PDE1C: variants seen among roughly 807,000 people sequenced by gnomAD.
PDE1C encodes the protein dual specificity calcium/calmodulin-dependent 3',5'-cyclic nucleotide phosphodiesterase 1C.
In PDE1C, 62 loss-of-function variants were observed where a neutral mutation model predicts 93.1. The ratio of observed to expected loss-of-function variants is 0.67; its 90% CI spans 0.54 to 0.82. The LOEUF is 0.82. Among genes scored for constraint, PDE1C ranks in the 40% least tolerant of loss-of-function variants. The pLI, the probability that PDE1C is intolerant of heterozygous loss-of-function variation, is 0.00. For missense variants in PDE1C, 742 were observed against 884.6 expected (o/e 0.84, Z 2.04); for synonymous variants, 325 against 310.1 (o/e 1.05, Z -0.50).
At chr7:31,755,007 G>A (rs775628632) in intron 17 of PDE1C, among the ~76,000 whole-genome samples, 3 of 152,162 alleles carry the variant, frequency 2.0e-5, no homozygotes, top group African/African-American at 7.2e-5. Context: ...GGGACAAGAC[G>A]GTCATCGAAG....
At chr7:31,744,996 T>C in the PDE1C span, among the ~76,000 whole-genome samples, 1 of 152,144 alleles carries the variant, frequency 6.6e-6, no homozygotes, top group Non-Finnish European at 1.5e-5. Flanking sequence ...TTTTGAAAGA[T>C]ACGACATTTC....
intron 1 of PDE1C, among the ~76,000 whole-genome samples, chr7:32,355,516 C>G (rs1211564383): frequency 7.1e-6 from 1 of 140,210 alleles, no homozygotes; most frequent in Admixed American, 7.0e-5. Context: ...ACCATCCCCT[C>G]AAATCTTTCT....
chr7:31,715,751 A>T, the PDE1C span, among the ~76,000 whole-genome samples: 1 of 152,154 alleles, frequency 6.6e-6, no homozygotes, highest in Non-Finnish European at 1.5e-5. Flanking sequence ...AGTCCTGTGC[A>T]TCTTAGAGTT....
At chr7:31,865,535 T>C (rs74659310) in intron 6 of PDE1C, among the ~76,000 whole-genome samples, 3 of 152,298 alleles carry the variant, frequency 2.0e-5, no homozygotes, top group African/African-American at 7.2e-5. Context: ...TAAATAACAC[T>C]GAGGAATTCA....
chr7:32,200,378 TC>T (rs1423704539), intron 2 of PDE1C, among the ~76,000 whole-genome samples: 2 of 152,226 alleles, frequency 1.3e-5, no homozygotes, highest in Non-Finnish European at 2.9e-5. Flanking sequence ...CTCAAAGTGT[TC>T]CTGGACCTTT....
intron 3 of PDE1C, among the ~76,000 whole-genome samples, chr7:32,126,052 TTTG>T (rs1799560753): frequency 6.6e-6 from 1 of 152,050 alleles, no homozygotes; most frequent in South Asian, 2.1e-4. Context: ...GAAGTTTACT[TTTG>T]ATAACTTGAG....
chr7:32,421,484 A>G (rs571378721), intron 1 of PDE1C, among the ~76,000 whole-genome samples: 1 of 152,372 alleles, frequency 6.6e-6, no homozygotes, highest in East Asian at 1.9e-4. Context: ...TACCTTGCAT[A>G]AATTGCCTTA....
At chr7:31,927,773 C>T (rs1803594590) in intron 2 of PDE1C, among the ~76,000 whole-genome samples, 1 of 152,054 alleles carries the variant, frequency 6.6e-6, no homozygotes, top group South Asian at 2.1e-4. Context: ...ACAGAAAAAC[C>T]CCATCCAAAG....
chr7:31,691,175 C>T, the PDE1C span, among the ~76,000 whole-genome samples: 1 of 152,204 alleles, frequency 6.6e-6, no homozygotes. Flanking sequence ...AAAAGCTGTG[C>T]TCAAGTGATC....
At chr7:31,877,893 C>T in intron 5 of PDE1C, 77 bp downstream of exon 5, 2 of 873,696 alleles carry the variant, frequency 2.3e-6, no homozygotes, top group Non-Finnish European at 3.6e-6. Flanking sequence ...AAATGAAAGC[C>T]TCTTATTTTC....
intron 2 of PDE1C, among the ~76,000 whole-genome samples, chr7:32,046,827 C>T (rs1333587468): frequency 6.6e-6 from 1 of 152,040 alleles, no homozygotes; most frequent in East Asian, 1.9e-4. Context: ...AACAAATAAA[C>T]AAAAATGTTC....
the PDE1C span, among the ~76,000 whole-genome samples, chr7:31,739,418 G>A: frequency 6.6e-6 from 1 of 152,140 alleles, no homozygotes; most frequent in Admixed American, 6.5e-5. Context: ...TTTTATAAAG[G>A]CTCCTGGAAG....
intron 1 of PDE1C, among the ~76,000 whole-genome samples, chr7:32,221,739 G>GT (rs5883336): frequency 0.5 from 75,940 of 152,080 alleles, 21,689 homozygotes; most frequent in Admixed American, 0.64. Flanking sequence ...CTTCAGCAAT[G>GT]TTTTTTTGAG....
intron 12 of PDE1C, among the ~76,000 whole-genome samples, chr7:31,825,415 G>A (rs1789524065): frequency 6.6e-6 from 1 of 152,060 alleles, no homozygotes; most frequent in African/African-American, 2.4e-5. Flanking sequence ...AGATGTGTCT[G>A]GGGACTGACT....
At chr7:32,183,062 A>G (rs1355693180) in intron 2 of PDE1C, among the ~76,000 whole-genome samples, 1 of 152,186 alleles carries the variant, frequency 6.6e-6, no homozygotes, top group Non-Finnish European at 1.5e-5. Flanking sequence ...TGCTTCAAAG[A>G]GAATAAAATA....
intron 15 of PDE1C, 35 bp downstream of exon 15, chr7:31,815,889 C>T (rs75833811): frequency 0.013 from 19,026 of 1,473,070 alleles, 179 homozygotes; most frequent in African/African-American, 0.029. Flanking sequence ...ATTAATGCCG[C>T]GAAAAGAGCC....
At chr7:31,667,530 G>A in the PDE1C span, among the ~76,000 whole-genome samples, 23 of 152,242 alleles carry the variant, frequency 1.5e-4, no homozygotes, top group African/African-American at 3.4e-4. Context: ...GCTGGGCACC[G>A]TCGTAGGGGT....
intron 2 of PDE1C, among the ~76,000 whole-genome samples, chr7:31,983,159 T>C (rs1349459992): frequency 2.6e-5 from 4 of 152,224 alleles, no homozygotes; most frequent in African/African-American, 9.6e-5. Flanking sequence ...GAGTACAAAT[T>C]GCTCCAGGGC....
intron 3 of PDE1C, among the ~76,000 whole-genome samples, chr7:32,112,802 ATATGTGTGTGTG>A (rs377163962): frequency 6.9e-4 from 68 of 98,658 alleles, no homozygotes; most frequent in Middle Eastern, 5.6e-3. Context: ...ATATATACAT[ATATGTGTGTGTG>A]TGTGTGTGTG....
Sources: allele counts gnomAD v4.1 joint callset (sites outside exome capture counted in the v4.1 genomes callset), GRCh38; gene constraint gnomAD v4.1.1; transcripts MANE v1.5; gene names NCBI Gene and HGNC (gene_info 2026-07-23, HGNC 2026-07-21).